Variants in ANKRD30B observed in about 807,000 individuals in gnomAD.
ANKRD30B encodes ankyrin repeat domain 30B.
A neutral mutation model predicts 202.2 loss-of-function variants in ANKRD30B; 144 were observed. That is an observed-to-expected ratio of 0.71 (90% CI 0.62 to 0.82). The LOEUF is 0.82. ANKRD30B is among the 40% of genes least tolerant of loss of function. The pLI, the probability that ANKRD30B is intolerant of heterozygous loss-of-function variation, is 0.00. For missense variants in ANKRD30B, 1,487 were observed against 1,669.1 expected, an observed-to-expected ratio of 0.89 and a Z score of 1.90; for synonymous variants, 508 against 561.3, an observed-to-expected ratio of 0.91 and a Z score of 1.34.
intron 30 of ANKRD30B, chr18:14,816,118 T>C (rs536956485): frequency 4.6e-5 from 7 of 152,332 alleles, no homozygotes; most frequent in Non-Finnish European, 8.8e-5. Context: ...TATTATAATG[T>C]GTTGCATTAA....
the ANKRD30B span, among the ~76,000 whole-genome samples, chr18:14,913,600 G>T: frequency 1.1e-4 from 16 of 152,164 alleles, no homozygotes; most frequent in Non-Finnish European, 1.8e-4. Context: ...GGCTTATTAC[G>T]TGGCAAGCCC....
rs1175326975 is a variant in ANKRD30B, at chr18:14,752,808, T to C, written c.337-31T>C. On this transcript the variant is annotated intron_variant, in intron 2 of 43. Coordinates refer to ENST00000690538, the MANE Select transcript of ANKRD30B (RefSeq NM_001367607.2). ...ATACTTATTTTGATTTCCTATAATTTATAATGTACTTCTTGCTTTAATACT... is the reference window on the plus strand; with the variant it reads ...ATACTTATTTTGATTTCCTATAATTCATAATGTACTTCTTGCTTTAATACT... 7 of 1,583,712 alleles carry C rather than the reference T, an allele frequency of 4.4e-6. No homozygotes were observed. The South Asian group carries it at 8.0e-5, about 18-fold the overall frequency.
chr18:14,923,365 T>C, the ANKRD30B span, among the ~76,000 whole-genome samples: 2,354 of 152,278 alleles, frequency 0.015, 69 homozygotes, highest in African/African-American at 0.054. Context: ...GGCAGTGGCC[T>C]GGCAGTACTC....
chr18:14,752,860 G>A lies in ANKRD30B; in HGVS notation c.358G>A (p.Ala120Thr). The change falls in exon 3 of 44, where the codon GCT (alanine) becomes ACT (threonine). Residue 120 changes from alanine to threonine, a missense_variant. Physicochemically the swap from Ala to Thr is moderately conservative, Grantham distance 58. Transcript: ENST00000690538. The part of the protein sequence containing the change: ...LMKALQCERE[A>T]CANILIDAGA... ...ACAGGCTCTACAATGCGAGAGGGAG[G>A]CTTGTGCAAATATTCTCATAGATGC... is the stretch of plus-strand genomic sequence containing the variant. 1 of 1,609,714 alleles carries A rather than the reference G, an allele frequency of 6.2e-7. No homozygotes were observed. Among genetic ancestry groups the A allele is most frequent in the Non-Finnish European group, 8.5e-7 (1 of 1,177,646 alleles).
In ANKRD30B at chr18:14,748,659, G is replaced by T. The variant is rs1365512354; in HGVS notation, c.221+19G>T. 2.0e-6 allele frequency: 3 copies of T among 1,521,298 alleles called. No individual in the cohort carries two copies. The highest frequency in any genetic ancestry group is 2.7e-6 in the Non-Finnish European group (3 of 1,131,258). 94.2% of individuals were successfully genotyped at this position (1,521,298 alleles called of 1,614,324 possible). On this transcript the variant is annotated intron_variant, in intron 1 of 43. Transcript: ENST00000690538. ...AGAAGAGGTACCAGGCCCTGCCTGA[G>T]CCGGGGCTGCAGGAGGAGGAGGCGG...
chr18:14,790,586 G>A (rs1968420008), intron 15 of ANKRD30B, among the ~76,000 whole-genome samples: 1 of 152,096 alleles, frequency 6.6e-6, no homozygotes, highest in Admixed American at 6.6e-5. Context: ...TTTATTGAGA[G>A]TTTTTAGCAT....
the ANKRD30B span, among the ~76,000 whole-genome samples, chr18:14,925,799 G>A: frequency 3.3e-5 from 5 of 152,268 alleles, no homozygotes; most frequent in Middle Eastern, 0.01. Flanking sequence ...GCCAGGCCCC[G>A]GACCCAGAGG....
intron 35 of ANKRD30B, 86 bp from the exon 36 acceptor site, chr18:14,837,529 C>T (rs1971231871): frequency 2.7e-6 from 3 of 1,103,296 alleles, no homozygotes; most frequent in Non-Finnish European, 3.8e-6. Context: ...TTGAAATACT[C>T]ATAAATGGAA....
chr18:14,858,782 T>C (rs1415745476), downstream of ANKRD30B, among the ~76,000 whole-genome samples: 2 of 129,432 alleles, frequency 1.5e-5, no homozygotes, highest in Non-Finnish European at 3.4e-5. Flanking sequence ...GCAGAGGGGC[T>C]CCTCACCTCC....
At position 14,752,891 on chromosome 18, in the gene ANKRD30B, C is replaced by T. The variant is rs1355514433; in HGVS notation, c.389C>T (p.Ala130Val). The change falls in exon 3 of 44, where the codon GCT (alanine) becomes GTT (valine). Residue 130 changes from alanine (A) to valine (V), a missense_variant. Ala to Val is a moderately conservative substitution (Grantham distance 64, BLOSUM62 0). Coordinates refer to ENST00000690538, the MANE Select transcript of ANKRD30B (RefSeq NM_001367607.2). ...ACANILIDAG[A>V]DLNYVDVYGN... ...GCAAATATTCTCATAGATGCTGGTG[C>T]TGATCTAAATTATGTAGATGTGTAT... The T allele has an allele frequency of 6.2e-7, 1 of 1,608,040 alleles. No individual in the cohort carries two copies.
intron 15 of ANKRD30B, among the ~76,000 whole-genome samples, chr18:14,789,847 TG>T (rs1186006673): frequency 1.3e-5 from 2 of 152,152 alleles, no homozygotes; most frequent in African/African-American, 4.8e-5. Context: ...TTTGTTCTTT[TG>T]GCTTAGGATT....
the ANKRD30B span, among the ~76,000 whole-genome samples, chr18:14,907,516 G>A: frequency 5.3e-5 from 8 of 152,188 alleles, no homozygotes; most frequent in Non-Finnish European, 8.8e-5. Context: ...GCGTAGGAGC[G>A]GCTTAACAGA....
the ANKRD30B span, among the ~76,000 whole-genome samples, chr18:14,876,643 A>G: frequency 3.3e-5 from 5 of 152,172 alleles, no homozygotes; most frequent in African/African-American, 4.8e-5. Flanking sequence ...TTTTAAAGGC[A>G]TGAGCTTGTA....
the ANKRD30B span, among the ~76,000 whole-genome samples, chr18:14,933,949 C>T: frequency 6.6e-6 from 1 of 152,228 alleles, no homozygotes; most frequent in Non-Finnish European, 1.5e-5. Context: ...TAACCCTTGT[C>T]AGCTTCTCTT....
At chr18:14,791,084 A>C (rs559331734) in intron 15 of ANKRD30B, among the ~76,000 whole-genome samples, 2 of 152,314 alleles carry the variant, frequency 1.3e-5, no homozygotes, top group East Asian at 3.9e-4. Context: ...TTATTCGTCT[A>C]TTCAGAGATT....
intron 36 of ANKRD30B, 30 bp from the exon 37 acceptor site, chr18:14,840,557 AG>A: frequency 2.6e-6 from 3 of 1,134,456 alleles, no homozygotes; most frequent in Non-Finnish European, 3.5e-6. Flanking sequence ...TAGTAAAAAA[AG>A]AAATTATTTA....
chr18:14,788,277 C>T (rs186915568), intron 15 of ANKRD30B, among the ~76,000 whole-genome samples: 25 of 152,176 alleles, frequency 1.6e-4, no homozygotes, highest in Admixed American at 1.4e-3. Flanking sequence ...GAAATATGCA[C>T]GTGTGAATTT....
chr18:14,797,477 T>G (rs181504764), intron 18 of ANKRD30B, among the ~76,000 whole-genome samples, 184 bp from the exon 19 acceptor site: 10 of 152,158 alleles, frequency 6.6e-5, no homozygotes, highest in African/African-American at 2.4e-4. Context: ...ATAGCAATAG[T>G]TTCAGGGGGT....
chr18:14,879,796 A>AT, the ANKRD30B span, among the ~76,000 whole-genome samples: 1 of 149,504 alleles, frequency 6.7e-6, no homozygotes, highest in East Asian at 2.0e-4. Context: ...GTTAAGGGTC[A>AT]GGGTCAGGGG....
Sources: gnomAD v4.1 joint callset for allele counts (sites outside exome capture counted in the v4.1 genomes callset) on GRCh38, gnomAD v4.1.1 for gene constraint, MANE v1.5 for transcripts, NCBI Gene and HGNC (gene_info 2026-07-23, HGNC 2026-07-21) for gene names.